The following P3H2 variants were observed in gnomAD, a reference collection of about 807,000 sequenced individuals.
P3H2 encodes leprecan-like 1.
A neutral mutation model predicts 87.0 loss-of-function variants in P3H2; 80 were observed. That is an observed-to-expected ratio of 0.92 (90% CI 0.77 to 1.11). The LOEUF (loss-of-function observed/expected upper bound fraction) is 1.11. Among genes scored for constraint, P3H2 ranks in the 50% least tolerant of loss-of-function variants. The pLI is 0.00. For missense variants in P3H2, 1,001 were observed against 923.9 expected (o/e 1.08, Z -1.08); for synonymous variants, 367 against 359.3 (o/e 1.02, Z -0.24).
chr3:189,957,327 A>G lies in P3H2; in HGVS notation c.*585T>C. On this transcript the variant is annotated 3_prime_UTR_variant, in exon 15 of 15. Transcript: ENST00000319332. ...GTGGCTGAAAGGCACAGAGCAAGAA[A>G]GGGCTTCAGAGACCAGGCACAGGTT... is the stretch of plus-strand genomic sequence containing the variant. 1 of 401,016 alleles carries G rather than the reference A, an allele frequency of 2.5e-6. No individual in the cohort carries two copies. The highest frequency in any genetic ancestry group is 4.4e-6 in the Non-Finnish European group (1 of 228,278). 24.8% of individuals were successfully genotyped at this position (401,016 alleles called of 1,614,324 possible). A position where few individuals can be genotyped will look rare whatever the true frequency, so the allele number is the denominator to read the frequency against.
At chr3:190,085,902 T>C (rs1727196657) in intron 1 of P3H2, among the ~76,000 whole-genome samples, 1 of 152,178 alleles carries the variant, frequency 6.6e-6, no homozygotes, top group Admixed American at 6.5e-5. Flanking sequence ...TATGTAATGG[T>C]CTAATTCTTG....
intron 12 of P3H2, chr3:189,971,534 A>G: frequency 3.3e-6 from 1 of 305,296 alleles, no homozygotes; most frequent in Admixed American, 4.7e-5. Context: ...TGATGTGATA[A>G]AGTCCTTATG....
intron 8 of P3H2, among the ~76,000 whole-genome samples, chr3:189,980,330 C>T (rs568584820): frequency 2.2e-4 from 33 of 152,116 alleles, no homozygotes; most frequent in Admixed American, 1.7e-3. Flanking sequence ...TTTGGGAGGC[C>T]GTGGCGGGAG....
chr3:189,970,227 G>A (rs1723135554), intron 13 of P3H2, among the ~76,000 whole-genome samples: 1 of 45,930 alleles, frequency 2.2e-5, no homozygotes, highest in Non-Finnish European at 3.9e-5. Flanking sequence ...TATATATGAG[G>A]CCATGTCTGC....
chr3:189,964,472 A>C (rs1722915007), intron 13 of P3H2, among the ~76,000 whole-genome samples: 1 of 152,262 alleles, frequency 6.6e-6, no homozygotes, highest in Admixed American at 6.5e-5. Flanking sequence ...GTAGGTGTCC[A>C]TTCCATACTT....
chr3:189,985,991 C>A (rs1723682688), intron 6 of P3H2, among the ~76,000 whole-genome samples: 2 of 152,086 alleles, frequency 1.3e-5, no homozygotes, highest in African/African-American at 4.8e-5. Context: ...GTATATGTTT[C>A]TGCAAAAGCT....
At position 190,023,409 on chromosome 3, in the gene P3H2, G is replaced by A. The variant is rs571087878; in HGVS notation, c.481-27967C>T. ...AATTGACTCAAGAGTTTACATGGCT[G>A]CAGAAGCCTCAGGAAACTTACAACC... On this transcript the variant is annotated intron_variant, in intron 1 of 14. Coordinates refer to ENST00000319332, the MANE Select transcript of P3H2 (RefSeq NM_018192.4). Among the ~76,000 whole-genome samples the A allele has an allele frequency of 3.9e-5, 6 of 152,330 alleles. No homozygotes were observed. The South Asian group carries it at 1.0e-3, about 26-fold the overall frequency.
chr3:189,993,944 A>G (rs1158418242), intron 3 of P3H2, 150 bp downstream of exon 3: 3 of 556,030 alleles, frequency 5.4e-6, no homozygotes, highest in Non-Finnish European at 5.9e-6. Context: ...AACTACATAC[A>G]TTTCTCTACA....
At chr3:190,093,216 A>G (rs888875921) in intron 1 of P3H2, among the ~76,000 whole-genome samples, 2 of 152,250 alleles carry the variant, frequency 1.3e-5, no homozygotes, top group Non-Finnish European at 2.9e-5. Flanking sequence ...TACATAGTAG[A>G]CGGCAGAGAC....
chr3:190,048,803 A>C (rs1027385061), intron 1 of P3H2, among the ~76,000 whole-genome samples: 4 of 152,216 alleles, frequency 2.6e-5, no homozygotes, highest in African/African-American at 9.6e-5. Flanking sequence ...AAGTGAAAAA[A>C]TAAACACTAA....
chr3:189,993,931 T>G (rs1016374773), intron 3 of P3H2, among the ~76,000 whole-genome samples, 163 bp downstream of exon 3: 1 of 152,154 alleles, frequency 6.6e-6, no homozygotes, highest in African/African-American at 2.4e-5. Context: ...TCACCAAAAT[T>G]TTAACTACAT....
rs759877182 is a variant in P3H2, at chr3:189,995,407, G to A, written c.516C>T (p.His172=). Residue 172 remains histidine (H), a synonymous_variant, in exon 2 of 15, where the codon CAC becomes CAT. Coordinates refer to ENST00000319332, the MANE Select transcript of P3H2 (RefSeq NM_018192.4). ...GCTCAGGGTTAGCCACGAAAAATGT[G>A]TGAGCTGCTTCCACTGCTTTTTCGA... ...NQLEKAVEAA[H]TFFVANPEHM... is the part of the protein sequence containing the mutation. 3 of 1,613,960 alleles carry A rather than the reference G, an allele frequency of 1.9e-6. No individual in the cohort carries two copies. The highest frequency in any genetic ancestry group is 2.5e-6 in the Non-Finnish European group (3 of 1,180,006).
chr3:190,033,380 T>C (rs940636748), intron 1 of P3H2, among the ~76,000 whole-genome samples: 5 of 152,314 alleles, frequency 3.3e-5, no homozygotes, highest in Admixed American at 2.6e-4. Context: ...AAAATTAATA[T>C]TGGAAATTTA....
chr3:190,056,872 A>G (rs1424014801), intron 1 of P3H2, among the ~76,000 whole-genome samples: 2 of 152,196 alleles, frequency 1.3e-5, no homozygotes, highest in Non-Finnish European at 2.9e-5. Context: ...CTACTCAGAC[A>G]CTGCTGTGTT....
chr3:190,035,002 C>T (rs954565475), intron 1 of P3H2, among the ~76,000 whole-genome samples: 1 of 151,816 alleles, frequency 6.6e-6, no homozygotes, highest in African/African-American at 2.4e-5. Context: ...GCATGTACCA[C>T]CACACCCGAC....
intron 1 of P3H2, among the ~76,000 whole-genome samples, chr3:189,997,224 G>T (rs538454676): frequency 2.8e-4 from 43 of 152,266 alleles, no homozygotes; most frequent in Admixed American, 2.5e-3. Context: ...GTTTCACCAT[G>T]TTGGCCAGGA....
intron 1 of P3H2, among the ~76,000 whole-genome samples, chr3:190,114,223 G>T (rs916430797): frequency 1.4e-5 from 2 of 142,048 alleles, no homozygotes; most frequent in Non-Finnish European, 3.0e-5. Flanking sequence ...TTGCTCTGTC[G>T]CCCAGGCTGG....
chr3:189,999,706 A>C (rs934829111), intron 1 of P3H2, among the ~76,000 whole-genome samples: 4 of 152,218 alleles, frequency 2.6e-5, no homozygotes, highest in African/African-American at 9.6e-5. Flanking sequence ...AACTCTATGC[A>C]TTAGAAAAAT....
At chr3:190,117,717 A>C (rs1712348323) in intron 1 of P3H2, among the ~76,000 whole-genome samples, 1 of 144,654 alleles carries the variant, frequency 6.9e-6, no homozygotes, top group Non-Finnish European at 1.5e-5. Flanking sequence ...AAGGAAGCCA[A>C]GCAAAGGCTA....
Sources: gnomAD v4.1 joint callset for allele counts (sites outside exome capture counted in the v4.1 genomes callset) on GRCh38, gnomAD v4.1.1 for gene constraint, MANE v1.5 for transcripts, NCBI Gene and HGNC (gene_info 2026-07-23, HGNC 2026-07-21) for gene names.